Variants in APIP observed in about 807,000 individuals in gnomAD.
APIP encodes the protein APAF1 interacting protein.
APIP carries 32 observed loss-of-function variants against 32.0 expected under a neutral mutation model. The ratio of observed to expected loss-of-function variants is 1.00; its 90% confidence interval spans 0.76 to 1.34. APIP has a LOEUF of 1.34. APIP is among the 40% of genes most tolerant of loss of function. The pLI is 0.00. For missense variants in APIP, 247 were observed against 298.6 expected (o/e 0.83, Z 1.27); for synonymous variants, 92 against 94.8 (o/e 0.97, Z 0.17).
rs566555770 is a variant in APIP, at chr11:34,896,557, C to T, written c.58-1447G>A. Among the ~76,000 whole-genome samples, 244 of 152,272 alleles carry T rather than the reference C, an allele frequency of 1.6e-3. 1 individual carries two copies. The highest frequency in any genetic ancestry group is 5.5e-3 in the African/African-American group (230 of 41,552). The stretch of plus-strand genomic sequence containing the variant: ...TGGACACAGGGAGGGGAAAATCACA[C>T]ACCAGGGCCTGTCAGCAGATGGGGG... On this transcript the variant is annotated intron_variant, in intron 1 of 6. Coordinates refer to ENST00000395787, the MANE Select transcript of APIP (RefSeq NM_015957.4).
chr11:34,913,327 T>C (rs144128182), intron 1 of APIP, among the ~76,000 whole-genome samples: 385 of 152,344 alleles, frequency 2.5e-3, no homozygotes, highest in African/African-American at 8.8e-3. Context: ...TCTCACTGAC[T>C]TCAAGAATGA....
Position 34,882,737 on chromosome 11 carries a change from C to G in APIP, c.709G>C (p.Gly237Arg). The part of the protein sequence containing the change: ...VGLDPSQLPV[G>R]ENGIV ...TTGGCTTAGACAATTCCATTTTCTCCAACTGGGAGCTGTGAAGGATCAAGT... is the reference window on the plus strand; with the variant it reads ...TTGGCTTAGACAATTCCATTTTCTCGAACTGGGAGCTGTGAAGGATCAAGT... The change falls in exon 7 of 7, where the codon GGA (glycine) becomes CGA (arginine). Residue 237 changes from glycine (G) to arginine (R), a missense_variant. Coordinates refer to ENST00000395787, the MANE Select transcript of APIP (RefSeq NM_015957.4). The G allele has an allele frequency of 6.3e-7, 1 of 1,598,268 alleles. No individual in the cohort carries two copies. Among genetic ancestry groups the G allele is most frequent in the Non-Finnish European group, 8.6e-7 (1 of 1,168,190 alleles).
intron 3 of APIP, among the ~76,000 whole-genome samples, chr11:34,889,862 C>T (rs1324230509): frequency 1.3e-5 from 2 of 152,252 alleles, no homozygotes; most frequent in African/African-American, 2.4e-5. Context: ...ATATGTACCA[C>T]ATTTTCTTTC....
At position 34,883,465 on chromosome 11, in the gene APIP, T is replaced by C. The variant is rs781192252; in HGVS notation, c.501A>G (p.Thr167=). 2 of 1,613,926 alleles carry C rather than the reference T, an allele frequency of 1.2e-6. No homozygotes were observed. ...DMLVVPIIEN[T]PEEKDLKDRM... is the part of the protein sequence containing the mutation. ...TATCTTTGAGGTCTTTCTCCTCAGG[T>C]GTATTCTCAATAATGGGTACCACTA... Residue 167 remains threonine (T), a synonymous_variant, in exon 6 of 7, where the codon ACA becomes ACG. Transcript: ENST00000395787.
chr11:34,909,985 T>C (rs755693308), intron 1 of APIP, among the ~76,000 whole-genome samples: 1 of 152,158 alleles, frequency 6.6e-6, no homozygotes, highest in Admixed American at 6.5e-5. Context: ...CAGCTGAGTA[T>C]GGCAACAGGG....
chr11:34,913,951 T>C (rs1397213524), intron 1 of APIP, among the ~76,000 whole-genome samples: 1 of 152,204 alleles, frequency 6.6e-6, no homozygotes, highest in East Asian at 1.9e-4. Context: ...GCCCCTACTT[T>C]ATGTTCCAGA....
chr11:34,912,776 A>C (rs1472252955), intron 1 of APIP, among the ~76,000 whole-genome samples: 2 of 152,352 alleles, frequency 1.3e-5, no homozygotes, highest in African/African-American at 4.8e-5. Flanking sequence ...CTCAGCCTGC[A>C]AACGGCCTAT....
At chr11:34,906,113 C>T (rs1440455188) in intron 1 of APIP, among the ~76,000 whole-genome samples, 3 of 152,054 alleles carry the variant, frequency 2.0e-5, no homozygotes, top group Non-Finnish European at 2.9e-5. Context: ...AAAAATCTGC[C>T]GGTGTCTCTC....
At chr11:34,882,965 C>G (rs549072827) in intron 6 of APIP, 149 bp from the exon 7 acceptor site, 7 of 569,698 alleles carry the variant, frequency 1.2e-5, no homozygotes, top group Non-Finnish European at 1.5e-5. Flanking sequence ...CTATTTTTCC[C>G]TCAACATTTT....
intron 1 of APIP, among the ~76,000 whole-genome samples, chr11:34,907,551 G>A (rs533414841): frequency 6.6e-6 from 1 of 152,248 alleles, no homozygotes; most frequent in Admixed American, 6.5e-5. Context: ...CACCAACAGA[G>A]ATATACTTGG....
intron 4 of APIP, 26 bp from the exon 5 acceptor site, chr11:34,888,454 T>A (rs202180413): frequency 6.3e-7 from 1 of 1,598,914 alleles, no homozygotes; most frequent in African/African-American, 1.4e-5. Context: ...GAAAGCCGCA[T>A]GCTCAATGAA....
At chr11:34,903,445 T>C (rs1000421983) in intron 1 of APIP, among the ~76,000 whole-genome samples, 2 of 152,246 alleles carry the variant, frequency 1.3e-5, no homozygotes, top group East Asian at 1.9e-4. Flanking sequence ...AGCTAACATT[T>C]ACACTGACTC....
intron 1 of APIP, among the ~76,000 whole-genome samples, chr11:34,899,424 A>G (rs1157371980): frequency 1.3e-5 from 2 of 152,184 alleles, no homozygotes; most frequent in African/African-American, 2.4e-5. Flanking sequence ...CGTTCCTTTA[A>G]GGCACCTATT....
At chr11:34,895,220 A>C (rs557080184) in intron 1 of APIP, 110 bp from the exon 2 acceptor site, 2 of 914,358 alleles carry the variant, frequency 2.2e-6, no homozygotes, top group South Asian at 3.0e-5. Context: ...AAAACATACT[A>C]TAGAAAGAGT....
At chr11:34,894,306 G>T (rs912117103) in intron 2 of APIP, among the ~76,000 whole-genome samples, 1 of 151,946 alleles carries the variant, frequency 6.6e-6, no homozygotes, top group Admixed American at 6.6e-5. Context: ...GCATACTGCC[G>T]TTCTTTTGAT....
At position 34,916,263 on chromosome 11, in the gene APIP, C is replaced by A. The variant is rs747005576; in HGVS notation, c.22G>T (p.Glu8Ter). Residue 8 changes from glutamate to a stop codon, truncating the protein, a stop_gained, in exon 1 of 7, where the codon GAG (glutamate) becomes TAG (stop). Coordinates refer to ENST00000395787, the MANE Select transcript of APIP (RefSeq NM_015957.4). LOFTEE classifies it high-confidence loss of function. MSGCDAR[E>*]GDCCSRRCGA... is the part of the protein sequence containing the mutation. The stretch of plus-strand genomic sequence containing the variant: ...CATCTCCGGGAACAACAGTCTCCCT[C>A]CCGAGCATCACAGCCAGACATGGCC... 6 of 1,612,582 alleles carry A rather than the reference C, an allele frequency of 3.7e-6. No individual in the cohort carries two copies. Among genetic ancestry groups the A allele is most frequent in the Non-Finnish European group, 5.1e-6 (6 of 1,179,596 alleles).
At chr11:34,899,055 TC>T (rs777783847) in intron 1 of APIP, among the ~76,000 whole-genome samples, 17 of 151,774 alleles carry the variant, frequency 1.1e-4, no homozygotes, top group Non-Finnish European at 2.1e-4. Flanking sequence ...TGCCTCGGCC[TC>T]CCAAAGTGCT....
At chr11:34,908,532 C>T (rs1393947553) in intron 1 of APIP, among the ~76,000 whole-genome samples, 1 of 152,210 alleles carries the variant, frequency 6.6e-6, no homozygotes, top group Non-Finnish European at 1.5e-5. Flanking sequence ...CACTTAAAAA[C>T]CCTCCTCCTC....
At chr11:34,903,532 C>T (rs2133918486) in intron 1 of APIP, among the ~76,000 whole-genome samples, 1 of 152,276 alleles carries the variant, frequency 6.6e-6, no homozygotes, top group African/African-American at 2.4e-5. Context: ...CAATGGACCG[C>T]CTGTAAAATA....
Sources: allele counts gnomAD v4.1 joint callset (sites outside exome capture counted in the v4.1 genomes callset), GRCh38; gene constraint gnomAD v4.1.1; transcripts MANE v1.5; gene names NCBI Gene and HGNC (gene_info 2026-07-23, HGNC 2026-07-21).